The following LRP1B variants were observed in gnomAD, a reference collection of about 807,000 sequenced individuals.
LRP1B encodes the protein low-density lipoprotein receptor-related protein 1B.
In LRP1B, 217 loss-of-function variants were observed where a neutral mutation model predicts 556.6. The ratio of observed to expected loss-of-function variants is 0.39; its 90% CI spans 0.35 to 0.44. The LOEUF (loss-of-function observed/expected upper bound fraction) is 0.44, where lower values mean the gene tolerates loss of function less well. LRP1B is among the 20% of genes least tolerant of loss of function. The pLI, the probability that LRP1B is intolerant of heterozygous loss-of-function variation, is 1.00. For synonymous variants in LRP1B, 2,047 were observed against 1,865.8 expected (o/e 1.10, Z -2.50); for missense variants, 5,053 against 5,620.8 (o/e 0.90, Z 3.23).
chr2:140,309,675 C>A (rs963040761), intron 83 of LRP1B, among the ~76,000 whole-genome samples: 1 of 151,608 alleles, frequency 6.6e-6, no homozygotes, highest in African/African-American at 2.4e-5. Context: ...ATAATAGTTT[C>A]TAATATAATT....
intron 3 of LRP1B, among the ~76,000 whole-genome samples, chr2:141,327,485 T>A (rs1417667498): frequency 6.6e-6 from 1 of 152,118 alleles, no homozygotes; most frequent in Non-Finnish European, 1.5e-5. Flanking sequence ...CCTTAATAAA[T>A]TTTCCAAGAA....
intron 1 of LRP1B, among the ~76,000 whole-genome samples, chr2:142,111,534 GAAT>G (rs1706988726): frequency 6.6e-6 from 1 of 152,092 alleles, no homozygotes; most frequent in South Asian, 2.1e-4. Context: ...TTTTGTCCAT[GAAT>G]AATGTTTTAA....
At chr2:141,735,353 G>A (rs983675331) in intron 2 of LRP1B, among the ~76,000 whole-genome samples, 1 of 151,856 alleles carries the variant, frequency 6.6e-6, no homozygotes, top group African/African-American at 2.4e-5. Context: ...GACCCTAAAG[G>A]GGGACTTGCC....
chr2:141,339,827 T>C (rs1435697980), intron 3 of LRP1B, among the ~76,000 whole-genome samples: 3 of 152,138 alleles, frequency 2.0e-5, no homozygotes, highest in African/African-American at 7.2e-5. Context: ...GCAGGTCTGT[T>C]ACATGGACAT....
intron 1 of LRP1B, among the ~76,000 whole-genome samples, chr2:141,982,148 G>A (rs1702061598): frequency 6.6e-6 from 1 of 152,124 alleles, no homozygotes. Flanking sequence ...TATGCCTGTA[G>A]TGTAGATTAT....
chr2:141,273,740 A>G (rs747633319), intron 3 of LRP1B, among the ~76,000 whole-genome samples: 1 of 152,226 alleles, frequency 6.6e-6, no homozygotes, highest in Non-Finnish European at 1.5e-5. Flanking sequence ...TGGACTTAAC[A>G]AAAGTATTTA....
In LRP1B at chr2:140,982,168, G is replaced by T. The variant is rs372595225; in HGVS notation, c.2879C>A (p.Ala960Glu). Residue 960 changes from alanine (A) to glutamate (E), a missense_variant, in exon 18 of 91, where the codon GCA (alanine) becomes GAA (glutamate). Ala to Glu is a moderately radical substitution (Grantham distance 107). Around this residue, in one of 5 missense-constraint regions of LRP1B, gnomAD observed 3,619 missense variants for 3,931.9 expected, o/e 0.92. Coordinates refer to ENST00000389484, the MANE Select transcript of LRP1B (RefSeq NM_018557.3). ...DDCGDQTDEM[A>E]SCEFPTCEPL... ...TCTCACTCACAACTTACCACAAGATGCCATTTCATCTGTCTGGTCACCACA... is the reference window on the plus strand; with the variant it reads ...TCTCACTCACAACTTACCACAAGATTCCATTTCATCTGTCTGGTCACCACA... The T allele has an allele frequency of 1.1e-5, 17 of 1,611,708 alleles. No homozygotes were observed. The African/African-American group carries it at 2.0e-4, about 19-fold the overall frequency.
At chr2:141,571,072 C>T (rs376928354) in intron 2 of LRP1B, among the ~76,000 whole-genome samples, 6 of 151,366 alleles carry the variant, frequency 4.0e-5, no homozygotes, top group African/African-American at 9.6e-5. Context: ...CCCTGTTAAA[C>T]GGGTCCTGTG....
intron 1 of LRP1B, among the ~76,000 whole-genome samples, chr2:142,067,989 A>G (rs1302405751): frequency 6.6e-6 from 1 of 151,534 alleles, no homozygotes; most frequent in Non-Finnish European, 1.5e-5. Context: ...GAGGAAAGAC[A>G]TGAAATACAT....
At chr2:142,037,739 G>A (rs746006019) in intron 1 of LRP1B, among the ~76,000 whole-genome samples, 1 of 151,568 alleles carries the variant, frequency 6.6e-6, no homozygotes, top group African/African-American at 2.4e-5. Flanking sequence ...GAAAATGGTA[G>A]ACTAGAGGCT....
intron 66 of LRP1B, among the ~76,000 whole-genome samples, chr2:140,395,792 G>A (rs1186956370): frequency 6.6e-6 from 1 of 152,114 alleles, no homozygotes; most frequent in Admixed American, 6.6e-5. Flanking sequence ...AATATTCAGT[G>A]GACATTTTTT....
At chr2:140,263,273 T>C (rs1362834726) in intron 86 of LRP1B, among the ~76,000 whole-genome samples, 1 of 152,076 alleles carries the variant, frequency 6.6e-6, no homozygotes, top group African/African-American at 2.4e-5. Flanking sequence ...CCAAACTGCA[T>C]CTGGTGATGC....
At chr2:141,446,976 A>G (rs1681218582) in intron 3 of LRP1B, among the ~76,000 whole-genome samples, 2 of 152,008 alleles carry the variant, frequency 1.3e-5, no homozygotes, top group South Asian at 4.1e-4. Flanking sequence ...TAGGTTGGGG[A>G]AGTTCTCCTG....
chr2:140,519,326 T>A (rs919089048), intron 49 of LRP1B, among the ~76,000 whole-genome samples: 7 of 152,138 alleles, frequency 4.6e-5, no homozygotes, highest in Admixed American at 4.6e-4. Flanking sequence ...AACCATCTGA[T>A]CTTTGACAAA....
chr2:141,260,325 A>G (rs940270860), intron 3 of LRP1B, among the ~76,000 whole-genome samples: 1 of 152,212 alleles, frequency 6.6e-6, no homozygotes, highest in Non-Finnish European at 1.5e-5. Context: ...ATTTTTATGA[A>G]ATATACTAAT....
intron 3 of LRP1B, among the ~76,000 whole-genome samples, chr2:141,339,854 G>T (rs531783184): frequency 6.6e-6 from 1 of 152,080 alleles, no homozygotes; most frequent in African/African-American, 2.4e-5. Flanking sequence ...TGGTGGTAAA[G>T]GCTGGGTGTT....
intron 3 of LRP1B, among the ~76,000 whole-genome samples, chr2:141,420,267 T>C (rs1680089391): frequency 6.6e-6 from 1 of 152,200 alleles, no homozygotes; most frequent in Non-Finnish European, 1.5e-5. Flanking sequence ...AACGTCCTTA[T>C]CTATGAGACG....
Position 140,591,611 on chromosome 2 carries a change from T to C in LRP1B, c.7194+7020A>G, listed in dbSNP as rs948905577. Reference sequence around the variant, plus strand: ...TAGGAGTGGGGTAAGGTGGGGATGATAGCTATATAGTCTAGTGGTAAAGAA... The same window carrying C: ...TAGGAGTGGGGTAAGGTGGGGATGACAGCTATATAGTCTAGTGGTAAAGAA... On this transcript the variant is annotated intron_variant, in intron 43 of 90. Transcript: ENST00000389484. Among the ~76,000 whole-genome samples the C allele has an allele frequency of 9.2e-5, 14 of 152,284 alleles. No homozygotes were observed. The East Asian group carries it at 1.5e-3, about 17-fold the overall frequency.
chr2:141,563,109 G>C (rs750099271), intron 2 of LRP1B, among the ~76,000 whole-genome samples: 12 of 151,960 alleles, frequency 7.9e-5, no homozygotes, highest in Non-Finnish European at 1.5e-4. Context: ...CTGGGTATTA[G>C]GTGATTGTTA....
Sources: gnomAD v4.1 joint callset for allele counts (sites outside exome capture counted in the v4.1 genomes callset) on GRCh38, gnomAD v4.1.1 for gene constraint, gnomAD v4.1.1 regional missense constraint, MANE v1.5 for transcripts, NCBI Gene and HGNC (gene_info 2026-07-23, HGNC 2026-07-21) for gene names.